The following UBAP2L variants were observed in gnomAD, a reference collection of about 807,000 sequenced individuals.
UBAP2L encodes the protein ubiquitin-associated protein 2-like.
UBAP2L carries 12 observed loss-of-function variants against 130.6 expected under a neutral mutation model. That is an observed-to-expected ratio of 0.09 (90% confidence interval 0.06 to 0.15). The LOEUF is 0.15. Among genes scored for constraint, UBAP2L ranks in the 10% least tolerant of loss-of-function variants. The pLI is 1.00. For synonymous variants in UBAP2L, 503 were observed against 524.7 expected (o/e 0.96, Z 0.57); for missense variants, 965 against 1,332.5 (o/e 0.72, Z 4.29).
intron 23 of UBAP2L, 96 bp from the exon 24 acceptor site, chr1:154,261,496 G>T: frequency 8.7e-7 from 1 of 1,151,148 alleles, no homozygotes; most frequent in East Asian, 2.3e-5. Context: ...ATCAGGATAG[G>T]TAGCCATCTG....
chr1:154,244,060 A>G (rs1363650952), intron 10 of UBAP2L, among the ~76,000 whole-genome samples: 1 of 152,210 alleles, frequency 6.6e-6, no homozygotes. Context: ...GATCCAGCTA[A>G]TAAACGTTTT....
At chr1:154,236,112 T>C (rs1218158654) in intron 6 of UBAP2L, among the ~76,000 whole-genome samples, 2 of 152,198 alleles carry the variant, frequency 1.3e-5, no homozygotes, top group Non-Finnish European at 2.9e-5. Flanking sequence ...ATTGTCCTAC[T>C]CTATTACTGA....
intron 14 of UBAP2L, among the ~76,000 whole-genome samples, chr1:154,252,254 G>A (rs1419880775): frequency 6.9e-6 from 1 of 143,930 alleles, no homozygotes; most frequent in Non-Finnish European, 1.5e-5. Flanking sequence ...GGATTACAGG[G>A]GTGAGCAACC....
At chr1:154,222,184 C>T (rs984205122) in intron 1 of UBAP2L, among the ~76,000 whole-genome samples, 1 of 152,150 alleles carries the variant, frequency 6.6e-6, no homozygotes, top group African/African-American at 2.4e-5. Flanking sequence ...TCCTACCTTC[C>T]TCCGCCGCAT....
intron 23 of UBAP2L, 95 bp downstream of exon 23, chr1:154,261,204 A>C: frequency 1.5e-6 from 2 of 1,356,618 alleles, no homozygotes; most frequent in Non-Finnish European, 2.0e-6. Flanking sequence ...TTAATAATGG[A>C]TGAGGAGGAA....
chr1:154,225,137 T>C lies in UBAP2L; in HGVS notation c.14T>C (p.Val5Ala). ...TATATACTGTAAATGATGACATCGGTGGGCACTAACCGAGCCCGGGGAAAC... is the reference window on the plus strand; with the variant it reads ...TATATACTGTAAATGATGACATCGGCGGGCACTAACCGAGCCCGGGGAAAC... Reference protein sequence around the residue: MMTSVGTNRARGNWE... With the variant: MMTSAGTNRARGNWE... Residue 5 changes from valine to alanine, a missense_variant, in exon 2 of 27, where the codon GTG becomes GCG. Val to Ala is a moderately conservative substitution (Grantham distance 64). Coordinates refer to ENST00000428931, the MANE Select transcript of UBAP2L (RefSeq NM_014847.4). The C allele has an allele frequency of 6.2e-7, 1 of 1,614,094 alleles. No individual in the cohort carries two copies. Among genetic ancestry groups the C allele is most frequent in the Non-Finnish European group, 8.5e-7 (1 of 1,179,968 alleles).
upstream of UBAP2L, chr1:154,220,225 C>A: frequency 7.7e-7 from 1 of 1,306,878 alleles, no homozygotes; most frequent in African/African-American, 1.4e-5. Context: ...AATAAGGAGT[C>A]AAAGCCCGGA....
At chr1:154,220,285 G>C (rs1251628953), upstream of UBAP2L, 5 of 1,595,146 alleles carry the variant, frequency 3.1e-6, no homozygotes, top group Non-Finnish European at 4.3e-6. Context: ...AGCTCAAAAG[G>C]AGGGTCTCTA....
At chr1:154,261,800 G>A in intron 24 of UBAP2L, 103 bp downstream of exon 24, 2 of 1,175,034 alleles carry the variant, frequency 1.7e-6, no homozygotes, top group Non-Finnish European at 1.3e-6. Context: ...TGGTGAGGGT[G>A]TGCCGCTGCC....
intron 26 of UBAP2L, chr1:154,269,349 G>T: frequency 7.5e-7 from 1 of 1,330,660 alleles, no homozygotes; most frequent in Non-Finnish European, 9.9e-7. Flanking sequence ...CATATATCCT[G>T]GTTCTGCCTC....
chr1:154,259,424 C>T (rs973407934), intron 21 of UBAP2L, among the ~76,000 whole-genome samples: 1 of 151,910 alleles, frequency 6.6e-6, no homozygotes, highest in Admixed American at 6.5e-5. Context: ...GAACTCCTGA[C>T]CTTATGATCC....
chr1:154,240,263 C>G (rs933746889), intron 8 of UBAP2L, among the ~76,000 whole-genome samples: 2 of 152,070 alleles, frequency 1.3e-5, no homozygotes, highest in African/African-American at 4.8e-5. Context: ...GGGAAGAATC[C>G]TGGTTCTTGT....
At chr1:154,240,945 C>CA (rs377123125) in intron 8 of UBAP2L, among the ~76,000 whole-genome samples, 1 of 118,324 alleles carries the variant, frequency 8.5e-6, no homozygotes, top group Non-Finnish European at 1.7e-5. Context: ...TCCCCCCCCC[C>CA]ACCCCCATTC....
rs1022315439 is a variant in UBAP2L, at chr1:154,234,476, T to C, written c.280-115T>C. The C allele has an allele frequency of 1.0e-5, 11 of 1,097,794 alleles. No individual in the cohort carries two copies. The East Asian group carries it at 2.8e-4, about 28-fold the overall frequency. 68.0% of individuals were successfully genotyped at this position (1,097,794 alleles called of 1,614,324 possible). ...TAAAAGCAAACTAATGGAAGTGTTT[T>C]AGACATGGATGCTGAGTGGAGAATG... On this transcript the variant is annotated intron_variant, in intron 4 of 26. Coordinates refer to ENST00000428931, the MANE Select transcript of UBAP2L (RefSeq NM_014847.4).
intron 4 of UBAP2L, among the ~76,000 whole-genome samples, chr1:154,232,610 A>C (rs866476270): frequency 1.7e-4 from 26 of 152,312 alleles, no homozygotes; most frequent in Middle Eastern, 3.4e-3. Flanking sequence ...TAGGGAGAAC[A>C]CTGCAAGTAA....
Position 154,268,807 on chromosome 1 carries a change from C to T in UBAP2L, c.3021C>T (p.Phe1007=). 1 of 1,614,136 alleles carries T rather than the reference C, an allele frequency of 6.2e-7. No individual in the cohort carries two copies. The highest frequency in any genetic ancestry group is 8.5e-7 in the Non-Finnish European group (1 of 1,180,012). Residue 1007 remains phenylalanine, a synonymous_variant, in exon 26 of 27, where the codon TTC becomes TTT. Transcript: ENST00000428931. ...ATTCCGGTACTCCTGCTGCTTCCTT[C>T]AACTTGCCTTCAGCCCTAGGAAGTG... The part of the protein sequence containing the change: ...GFHSGTPAAS[F]NLPSALGSGG...
intron 24 of UBAP2L, among the ~76,000 whole-genome samples, chr1:154,263,845 G>C (rs1426337247): frequency 6.6e-6 from 1 of 152,212 alleles, no homozygotes; most frequent in African/African-American, 2.4e-5. Flanking sequence ...GCAAAAGAGA[G>C]AGTTTTCAGA....
intron 15 of UBAP2L, 65 bp from the exon 16 acceptor site, chr1:154,254,771 C>T: frequency 6.5e-7 from 1 of 1,538,464 alleles, no homozygotes. Context: ...TGCATCAGTG[C>T]TAACTTTCCT....
chr1:154,244,204 C>T (rs994555998), intron 10 of UBAP2L, among the ~76,000 whole-genome samples: 2 of 152,110 alleles, frequency 1.3e-5, no homozygotes, highest in Admixed American at 6.5e-5. Context: ...CGTTAACTAC[C>T]CAGAGTTAAT....
Sources: gnomAD v4.1 joint callset for allele counts (sites outside exome capture counted in the v4.1 genomes callset) on GRCh38, gnomAD v4.1.1 for gene constraint, MANE v1.5 for transcripts, NCBI Gene and HGNC (gene_info 2026-07-23, HGNC 2026-07-21) for gene names.